VGLL4: variants seen among roughly 807,000 people sequenced by gnomAD.
VGLL4 encodes transcription cofactor vestigial-like protein 4.
In VGLL4, 7 loss-of-function variants were observed where a neutral mutation model predicts 21.0. The ratio of observed to expected loss-of-function variants is 0.33; its 90% CI spans 0.19 to 0.63. The LOEUF is 0.63. Among genes scored for constraint, VGLL4 ranks in the 20% least tolerant of loss-of-function variants. The probability of loss-of-function intolerance (pLI) is 0.78; values close to 1 mark genes in which losing one functional copy is unlikely to be tolerated. For missense variants in VGLL4, 394 were observed against 425.7 expected, an observed-to-expected ratio of 0.93 and a Z score of 0.66; for synonymous variants, 222 against 173.2, an observed-to-expected ratio of 1.28 and a Z score of -2.21.
rs536372714 is a variant in VGLL4 at position 11,688,006 on chromosome 3, G to A, written c.64+14965C>T. On this transcript the variant is annotated intron_variant, in intron 2 of 5. Transcript: ENST00000273038. The stretch of plus-strand genomic sequence containing the variant: ...ATTGTTTTTATCACAAATAGGTGCC[G>A]AATTTCATGAAATACTTTTTTAGAC... Among the ~76,000 whole-genome samples the A allele has an allele frequency of 5.3e-4, 80 of 152,026 alleles. 1 individual carries two copies. The highest frequency in any genetic ancestry group is 4.0e-3 in the South Asian group (19 of 4,804).
At chr3:11,618,821 T>C (rs867200409) in intron 1 of VGLL4, among the ~76,000 whole-genome samples, 58 of 152,194 alleles carry the variant, frequency 3.8e-4, no homozygotes, top group African/African-American at 1.3e-3. Context: ...GAAGGAGGTT[T>C]CCCCAAATTA....
intron 2 of VGLL4, among the ~76,000 whole-genome samples, chr3:11,680,223 G>A (rs1250306378): frequency 2.0e-5 from 3 of 152,132 alleles, no homozygotes; most frequent in Non-Finnish European, 2.9e-5. Flanking sequence ...CATCAAGCAC[G>A]CTCTGCGATG....
intron 2 of VGLL4, among the ~76,000 whole-genome samples, chr3:11,665,101 CTTTTTTTTTTTTTTTTTTT>C (rs59999510): frequency 2.1e-5 from 2 of 96,950 alleles, no homozygotes; most frequent in African/African-American, 4.9e-5. Flanking sequence ...GAATATTTTT[CTTTTTTTTTTTTTTTTTTT>C]TTTTTTTTTT....
chr3:11,646,772 G>A (rs896769350), upstream of VGLL4, among the ~76,000 whole-genome samples: 6 of 152,126 alleles, frequency 3.9e-5, no homozygotes, highest in African/African-American at 1.2e-4. Context: ...CCGTCTCACA[G>A]GTCTACCTTG....
chr3:11,686,568 G>C (rs577291387), intron 2 of VGLL4, among the ~76,000 whole-genome samples: 2 of 152,298 alleles, frequency 1.3e-5, no homozygotes, highest in South Asian at 4.1e-4. Context: ...AATGAAAAGA[G>C]TTATGGATGG....
chr3:11,699,987 A>G (rs1384084818), intron 2 of VGLL4, among the ~76,000 whole-genome samples: 1 of 152,234 alleles, frequency 6.6e-6, no homozygotes, highest in Non-Finnish European at 1.5e-5. Flanking sequence ...CTCCGAAAAC[A>G]GCTCTCCCAA....
chr3:11,609,008 T>A (rs2075005493), intron 1 of VGLL4, among the ~76,000 whole-genome samples: 1 of 152,064 alleles, frequency 6.6e-6, no homozygotes. Flanking sequence ...GGACTACAAG[T>A]GCTCGCCACC....
At chr3:11,676,214 C>A (rs571953294) in intron 2 of VGLL4, among the ~76,000 whole-genome samples, 92 of 152,028 alleles carry the variant, frequency 6.1e-4, no homozygotes, top group African/African-American at 2.1e-3. Flanking sequence ...GGTGAAACCC[C>A]GTCTCTACTA....
intron 2 of VGLL4, among the ~76,000 whole-genome samples, chr3:11,585,920 T>G (rs1482755762): frequency 2.0e-5 from 3 of 152,114 alleles, no homozygotes; most frequent in Non-Finnish European, 4.4e-5. Context: ...GGCGACCCCC[T>G]GCCGTTGGTC....
chr3:11,662,172 C>T (rs1012083846), intron 2 of VGLL4, among the ~76,000 whole-genome samples: 1 of 152,168 alleles, frequency 6.6e-6, no homozygotes, highest in African/African-American at 2.4e-5. Context: ...GGCCACATAA[C>T]AAGAAAACCC....
In VGLL4 at chr3:11,625,933, C is replaced by T. The variant is rs563424548; in HGVS notation, c.82+17504G>A. Among the ~76,000 whole-genome samples, 9 of 152,140 alleles carry T rather than the reference C, an allele frequency of 5.9e-5. No individual in the cohort carries two copies. The East Asian group carries it at 1.2e-3, about 20-fold the overall frequency. On this transcript the variant is annotated intron_variant, in intron 1 of 4. Transcript: ENST00000430365. The stretch of plus-strand genomic sequence containing the variant: ...GAGTGAAACGGGTCAAGGTTTCTTC[C>T]GGGAGTGATGAAAATGTTCTAAACT...
intron 1 of VGLL4, among the ~76,000 whole-genome samples, chr3:11,640,132 T>C (rs866246103): frequency 6.6e-6 from 1 of 152,172 alleles, no homozygotes; most frequent in South Asian, 2.1e-4. Flanking sequence ...TAATCAAGTA[T>C]TAAATTATAC....
intron 1 of VGLL4, among the ~76,000 whole-genome samples, chr3:11,640,812 G>A (rs559067600): frequency 6.6e-6 from 1 of 152,246 alleles, no homozygotes; most frequent in African/African-American, 2.4e-5. Flanking sequence ...TAAGTCACAA[G>A]AGAGGTTTAA....
intron 2 of VGLL4, among the ~76,000 whole-genome samples, chr3:11,582,127 G>A (rs765011162): frequency 4.6e-5 from 7 of 152,220 alleles, no homozygotes; most frequent in Non-Finnish European, 1.0e-4. Flanking sequence ...GGGACGAGAA[G>A]GAAAATCACT....
At chr3:11,623,997 C>A (rs2075310164) in intron 1 of VGLL4, among the ~76,000 whole-genome samples, 1 of 152,130 alleles carries the variant, frequency 6.6e-6, no homozygotes, top group African/African-American at 2.4e-5. Flanking sequence ...CCACCTCTGT[C>A]TCCCAAAGTG....
At chr3:11,635,655 A>T (rs1187541887) in intron 1 of VGLL4, among the ~76,000 whole-genome samples, 2 of 152,242 alleles carry the variant, frequency 1.3e-5, no homozygotes, top group Non-Finnish European at 2.9e-5. Context: ...GTTCCCTACC[A>T]GTATCAGCCC....
chr3:11,587,786 G>A (rs1306112508), intron 2 of VGLL4, among the ~76,000 whole-genome samples: 2 of 152,128 alleles, frequency 1.3e-5, no homozygotes, highest in Admixed American at 1.3e-4. Context: ...TTGGACTGGA[G>A]CCAGATGCAT....
upstream of VGLL4, among the ~76,000 whole-genome samples, chr3:11,645,727 T>G (rs1037556687): frequency 1.3e-5 from 2 of 151,826 alleles, no homozygotes; most frequent in Non-Finnish European, 2.9e-5. Flanking sequence ...ATCCCAGCAC[T>G]CTGGGAGACT....
chr3:11,593,952 G>C (rs2074570505), intron 2 of VGLL4, among the ~76,000 whole-genome samples: 1 of 152,228 alleles, frequency 6.6e-6, no homozygotes, highest in South Asian at 2.1e-4. Context: ...CCCAGTGTGA[G>C]CCTAGGGGCT....
Sources: gnomAD v4.1 joint callset for allele counts (sites outside exome capture counted in the v4.1 genomes callset) on GRCh38, gnomAD v4.1.1 for gene constraint, MANE v1.5 for transcripts, NCBI Gene and HGNC (gene_info 2026-07-23, HGNC 2026-07-21) for gene names.